Variants in PLEKHG1 observed in about 807,000 individuals in gnomAD.
The protein encoded by PLEKHG1 is pleckstrin homology and RhoGEF domain containing G1.
Under a neutral mutation model 100.8 loss-of-function variants are expected in PLEKHG1, and 44 were observed. The observed-to-expected ratio is 0.44, with a 90% CI of 0.34 to 0.56. The LOEUF (loss-of-function observed/expected upper bound fraction) is 0.56. Among genes scored for constraint, PLEKHG1 ranks in the 20% least tolerant of loss-of-function variants. PLEKHG1 has a pLI of 0.01. For synonymous variants in PLEKHG1, 640 were observed against 662.5 expected (o/e 0.97, Z 0.52); for missense variants, 1,545 against 1,720.9 (o/e 0.90, Z 1.81).
intron 1 of PLEKHG1, among the ~76,000 whole-genome samples, chr6:150,724,435 A>T (rs557262860): frequency 2.4e-4 from 37 of 152,236 alleles, no homozygotes; most frequent in Non-Finnish European, 1.0e-4. Context: ...GGGTGCCCCA[A>T]ATAATTTCCT....
intron 1 of PLEKHG1, among the ~76,000 whole-genome samples, chr6:150,620,766 A>G (rs1777264716): frequency 6.6e-6 from 1 of 152,230 alleles, no homozygotes; most frequent in South Asian, 2.1e-4. Context: ...TAAGGGAGAC[A>G]GAACGGAGGC....
At position 150,802,739 on chromosome 6, in the gene PLEKHG1, C is replaced by CA. The variant is rs563760479; in HGVS notation, c.781-1869dup. Among the ~76,000 whole-genome samples the CA allele has an allele frequency of 2.2e-4, 34 of 151,112 alleles. No individual in the cohort carries two copies. In the South Asian group the frequency reaches 6.5e-3, roughly 29 times the overall value. On this transcript the variant is annotated intron_variant, in intron 6 of 15. Transcript: ENST00000358517. ...GAAGTGGCACAATCTCAGCTCACTG[C>CA]AACCTCCGCCTCCCGGGTTCAAGCG...
chr6:150,767,070 A>C lies in PLEKHG1; in HGVS notation c.412-1568A>C, dbSNP rs184286026. Among the ~76,000 whole-genome samples, 4 of 152,352 alleles carry C rather than the reference A, an allele frequency of 2.6e-5. No individual in the cohort carries two copies. In the East Asian group the frequency reaches 7.7e-4, roughly 29 times the overall value. On this transcript the variant is annotated intron_variant, in intron 2 of 15. Coordinates refer to ENST00000358517, the Ensembl canonical transcript of PLEKHG1. ...AAATACAGACATTCACTGCACATTG[A>C]GTATTAGTCCATCCTTTTGGACCAT...
At chr6:150,718,469 CT>C (rs3072740), upstream of PLEKHG1, among the ~76,000 whole-genome samples, 276 of 130,674 alleles carry the variant, frequency 2.1e-3, no homozygotes, top group Middle Eastern at 0.013. Flanking sequence ...CTTCCCTTTA[CT>C]TTTTTTTTTT....
At position 150,809,645 on chromosome 6, in the gene PLEKHG1, C is replaced by T. The variant is rs1787369946; in HGVS notation, c.1192-3C>T. On this transcript the variant is annotated splice_polypyrimidine_tract_variant and splice_region_variant and intron_variant, in intron 9 of 15. Coordinates refer to ENST00000358517, the Ensembl canonical transcript of PLEKHG1. ...TCTGACTGTCTACATCTCGTCTTGG[C>T]AGGCCAAATCCCAGCAAGACAAACG... 1.2e-6 allele frequency: 2 copies of T among 1,613,100 alleles called. No individual in the cohort carries two copies. Among genetic ancestry groups the T allele is most frequent in the Non-Finnish European group, 1.7e-6 (2 of 1,179,200 alleles).
chr6:150,607,356 A>G (rs562728191), intron 1 of PLEKHG1, among the ~76,000 whole-genome samples: 75 of 152,328 alleles, frequency 4.9e-4, no homozygotes, highest in Non-Finnish European at 8.7e-4. Flanking sequence ...GACAGGCCTC[A>G]AACACTGACA....
At chr6:150,813,003 A>T (rs1318072879) in intron 10 of PLEKHG1, among the ~76,000 whole-genome samples, 1 of 152,108 alleles carries the variant, frequency 6.6e-6, no homozygotes, top group African/African-American at 2.4e-5. Context: ...GAAAGTGGAA[A>T]GGATCAGAAG....
Position 150,831,343 on chromosome 6 carries a change from C to T in PLEKHG1, c.2232C>T (p.Thr744=). 6.2e-7 allele frequency: 1 copy of T among 1,614,096 alleles called. No homozygotes were observed. Among genetic ancestry groups the T allele is most frequent in the Non-Finnish European group, 8.5e-7 (1 of 1,180,006 alleles). Residue 744 remains threonine (T), a synonymous_variant, in exon 15 of 16, where the codon ACC becomes ACT. Coordinates refer to ENST00000358517, the Ensembl canonical transcript of PLEKHG1. The surrounding 1 kb of genome is among the most constrained non-coding windows in gnomAD (Gnocchi z 4.1). ...CGGTTGAGGAGAACATCTATGACAC[C>T]ATAGGGCTCCCAGATCCTCCGTCGC...
chr6:150,664,946 C>G (rs1779340147), intron 3 of PLEKHG1, among the ~76,000 whole-genome samples: 1 of 152,170 alleles, frequency 6.6e-6, no homozygotes, highest in African/African-American at 2.4e-5. Flanking sequence ...GCTGTGGGAA[C>G]AGAGCCAGAT....
At chr6:150,723,964 G>A (rs1019348409) in intron 1 of PLEKHG1, among the ~76,000 whole-genome samples, 48 of 152,232 alleles carry the variant, frequency 3.2e-4, no homozygotes, top group African/African-American at 1.1e-3. Flanking sequence ...AGCAGGGGCT[G>A]TAACAGCCAG....
At chr6:150,688,180 C>T (rs1241442361) in intron 3 of PLEKHG1, among the ~76,000 whole-genome samples, 1 of 152,130 alleles carries the variant, frequency 6.6e-6, no homozygotes, top group Non-Finnish European at 1.5e-5. Context: ...TCTGATTTTG[C>T]TCCTTTGCTT....
At chr6:150,777,794 T>G (rs1205165682) in intron 3 of PLEKHG1, among the ~76,000 whole-genome samples, 1 of 152,094 alleles carries the variant, frequency 6.6e-6, no homozygotes, top group African/African-American at 2.4e-5. Flanking sequence ...ACATGTGCGG[T>G]TGCACATCAG....
At chr6:150,728,734 A>G (rs1782084619) in intron 1 of PLEKHG1, among the ~76,000 whole-genome samples, 1 of 152,084 alleles carries the variant, frequency 6.6e-6, no homozygotes, top group African/African-American at 2.4e-5. Flanking sequence ...CATCTCTACT[A>G]AAAGTACAAA....
intron 1 of PLEKHG1, chr6:150,605,852 G>A (rs1157706589): frequency 6.6e-6 from 1 of 152,184 alleles, no homozygotes; most frequent in African/African-American, 2.4e-5. Context: ...ACCATCTACT[G>A]TAAGTTGCAT....
At chr6:150,778,268 C>G (rs1218067327) in intron 3 of PLEKHG1, among the ~76,000 whole-genome samples, 2 of 152,184 alleles carry the variant, frequency 1.3e-5, no homozygotes, top group Non-Finnish European at 2.9e-5. Context: ...GCTGGAATTA[C>G]AGGCGCTCAC....
rs145276482 is a variant in PLEKHG1, at chr6:150,779,470, C to T, written c.513-6920C>T. Among the ~76,000 whole-genome samples the T allele has an allele frequency of 7.1e-3, 1,072 of 151,378 alleles. 9 individuals are homozygous for T. The highest frequency in any genetic ancestry group is 0.025 in the African/African-American group (1,015 of 41,156). On this transcript the variant is annotated intron_variant, in intron 3 of 15. Transcript: ENST00000358517. ...ACGTGATTCTCCTGCCTCAGTCTCC[C>T]GAGTAGCTGGGCTTACAGGCACCTG...
intron 15 of PLEKHG1, among the ~76,000 whole-genome samples, chr6:150,833,466 A>G (rs1455435031): frequency 2.6e-5 from 4 of 152,214 alleles, no homozygotes; most frequent in Admixed American, 2.6e-4. Context: ...GTGGAGCACA[A>G]CCAAACCAGA....
intron 2 of PLEKHG1, among the ~76,000 whole-genome samples, chr6:150,650,202 A>G (rs917569372): frequency 2.6e-4 from 39 of 152,178 alleles, no homozygotes; most frequent in African/African-American, 8.9e-4. Flanking sequence ...AAGAACTCAG[A>G]GAAGAGTGGC....
chr6:150,813,615 C>T (rs1787678153), intron 10 of PLEKHG1, among the ~76,000 whole-genome samples: 1 of 151,976 alleles, frequency 6.6e-6, no homozygotes, highest in Admixed American at 6.6e-5. Flanking sequence ...GCGACAGAGG[C>T]GTGGGGTGAG....
Sources: gnomAD v4.1 joint callset for allele counts (sites outside exome capture counted in the v4.1 genomes callset) on GRCh38, gnomAD v4.1.1 for gene constraint, Gnocchi (gnomAD v3.1) non-coding constraint, MANE v1.5 for transcripts, NCBI Gene and HGNC (gene_info 2026-07-23, HGNC 2026-07-21) for gene names.